DRC7: variants seen among roughly 807,000 people sequenced by gnomAD.
The protein encoded by DRC7 is dynein regulatory complex subunit 7.
A neutral mutation model predicts 104.4 loss-of-function variants in DRC7; 80 were observed. The ratio of observed to expected loss-of-function variants is 0.77; its 90% confidence interval spans 0.64 to 0.92. DRC7 has a LOEUF of 0.92. DRC7 is among the 40% of genes least tolerant of loss of function. DRC7 has a pLI of 0.00. For synonymous variants in DRC7, 405 were observed against 447.3 expected, an observed-to-expected ratio of 0.91 and a Z score of 1.19; for missense variants, 1,034 against 1,141.1, an observed-to-expected ratio of 0.91 and a Z score of 1.35.
chr16:57,728,673 G>A, intron 17 of DRC7, 89 bp downstream of exon 17: 2 of 1,060,710 alleles, frequency 1.9e-6, no homozygotes, highest in South Asian at 1.7e-5. Context: ...CTACCTCACA[G>A]GCTTGTGAGG....
At chr16:57,712,387 TG>T (rs1453954673) in intron 8 of DRC7, among the ~76,000 whole-genome samples, 6 of 152,250 alleles carry the variant, frequency 3.9e-5, no homozygotes, top group Non-Finnish European at 5.9e-5. Context: ...GTGTAATTTC[TG>T]GGTGTTGCCT....
intron 17 of DRC7, 59 bp downstream of exon 17, chr16:57,728,643 G>T: frequency 1.4e-6 from 2 of 1,405,092 alleles, no homozygotes; most frequent in South Asian, 1.4e-5. Context: ...CCAGGAAATG[G>T]GCCCACGGCT....
intron 5 of DRC7, chr16:57,701,562 G>A: frequency 5.7e-6 from 1 of 174,050 alleles, no homozygotes; most frequent in East Asian, 1.7e-4. Context: ...GAAAGGGCAA[G>A]GTCAACAGTG....
intron 9 of DRC7, among the ~76,000 whole-genome samples, chr16:57,719,718 G>C (rs1480949503): frequency 2.0e-5 from 3 of 152,000 alleles, no homozygotes; most frequent in African/African-American, 7.2e-5. Context: ...ATGTTACCTA[G>C]GCTGGTCTCG....
chr16:57,703,607 C>G (rs1293662788), intron 6 of DRC7, among the ~76,000 whole-genome samples: 1 of 152,190 alleles, frequency 6.6e-6, no homozygotes, highest in African/African-American at 2.4e-5. Flanking sequence ...GAGCCTTGCT[C>G]TCTCAGGCCC....
chr16:57,704,125 C>G (rs1459728174), intron 6 of DRC7, among the ~76,000 whole-genome samples: 1 of 152,094 alleles, frequency 6.6e-6, no homozygotes, highest in Non-Finnish European at 1.5e-5. Context: ...GTGCTTGTTG[C>G]TCCCCACGAT....
chr16:57,700,657 A>AC (rs386384802), intron 5 of DRC7, among the ~76,000 whole-genome samples: 1 of 35,498 alleles, frequency 2.8e-5, no homozygotes, highest in Non-Finnish European at 5.4e-5. Context: ...AAACTCTCTC[A>AC]AAAAAAAAAA....
rs1555576542 is a variant in DRC7, at chr16:57,731,220, G to A, written c.2587G>A (p.Asp863Asn). Residue 863 changes from aspartate (D) to asparagine (N), a missense_variant, in exon 19 of 19, where the codon GAC becomes AAC. Physicochemically the swap from Asp to Asn is conservative, Grantham distance 23 (BLOSUM62 1). Coordinates refer to ENST00000360716, the MANE Select transcript of DRC7 (RefSeq NM_001289162.2). Reference sequence around the variant, plus strand: ...GGCTCTGGAGGAAAAGCTCTACAAGGACCCACGCCTGGGGGAGCTCCAGAA... The same window carrying A: ...GGCTCTGGAGGAAAAGCTCTACAAGAACCCACGCCTGGGGGAGCTCCAGAA... Reference protein sequence around the residue: ...YLALEEKLYKDPRLGELQKIF... With the variant: ...YLALEEKLYKNPRLGELQKIF... The A allele has an allele frequency of 6.2e-7, 1 of 1,613,804 alleles. No individual in the cohort carries two copies. The highest frequency in any genetic ancestry group is 8.5e-7 in the Non-Finnish European group (1 of 1,179,982).
At chr16:57,722,886 C>G (rs577971428) in intron 11 of DRC7, 45 bp downstream of exon 11, 1 of 1,612,196 alleles carries the variant, frequency 6.2e-7, no homozygotes, top group South Asian at 1.1e-5. Flanking sequence ...AGCCCAGGGG[C>G]GGGGGCGGCT....
chr16:57,717,689 AC>A (rs2048859178), intron 8 of DRC7, among the ~76,000 whole-genome samples: 1 of 149,256 alleles, frequency 6.7e-6, no homozygotes, highest in African/African-American at 2.5e-5. Flanking sequence ...ACAGAGTGAG[AC>A]TCTGTCTCAA....
rs1394573172 is a variant in DRC7, at chr16:57,700,274, A to G, written c.504+4A>G. 1 of 1,612,118 alleles carries G rather than the reference A, an allele frequency of 6.2e-7. No homozygotes were observed. Among genetic ancestry groups the G allele is most frequent in the East Asian group, 2.2e-5 (1 of 44,806 alleles). ...CCTGCCTGACCCTCTCAAGCCGGTAAGCACCACTCACAGGCTGCATGCCTG... is the reference window on the plus strand; with the variant it reads ...CCTGCCTGACCCTCTCAAGCCGGTAGGCACCACTCACAGGCTGCATGCCTG... On this transcript the variant is annotated splice_donor_region_variant and intron_variant, in intron 5 of 18. Transcript: ENST00000360716.
intron 7 of DRC7, among the ~76,000 whole-genome samples, chr16:57,705,555 T>G (rs2048705395): frequency 8.4e-6 from 1 of 119,728 alleles, no homozygotes; most frequent in Non-Finnish European, 1.7e-5. Flanking sequence ...CATCCATCTG[T>G]CCTCCCACCC....
At position 57,721,797 on chromosome 16, in the gene DRC7, A is replaced by G. The variant is rs1251736425; in HGVS notation, c.1279+58A>G. 3 of 1,365,978 alleles carry G rather than the reference A, an allele frequency of 2.2e-6. No homozygotes were observed. In the African/African-American group the frequency reaches 4.3e-5, roughly 20 times the overall value. 84.6% of individuals were successfully genotyped at this position (1,365,978 alleles called of 1,614,324 possible). A position where few individuals can be genotyped will look rare whatever the true frequency, so the allele number is the denominator to read the frequency against. On this transcript the variant is annotated intron_variant, in intron 10 of 18. Coordinates refer to ENST00000360716, the MANE Select transcript of DRC7 (RefSeq NM_001289162.2). ...CCAGATCCAGTTCCTGGGCCTCCAG[A>G]GAGGTCTGCAACAGCGAGGCAGGGG...
In DRC7 at chr16:57,724,846, G is replaced by A. The variant is rs114106851; in HGVS notation, c.1758+11G>A. The A allele has an allele frequency of 2.3e-4, 368 of 1,604,604 alleles. 2 individuals are homozygous for A. The African/African-American group carries it at 4.2e-3, about 18-fold the overall frequency. ...CCCCGGCCCATTGTGGTAAGAGCTC[G>A]CGGGGGCTGGGGACAGGTCGCCCTC... is the stretch of plus-strand genomic sequence containing the variant. On this transcript the variant is annotated intron_variant, in intron 13 of 18. Coordinates refer to ENST00000360716, the MANE Select transcript of DRC7 (RefSeq NM_001289162.2).
chr16:57,705,519 TC>T (rs2048704408), intron 7 of DRC7, among the ~76,000 whole-genome samples: 1 of 143,512 alleles, frequency 7.0e-6, no homozygotes, highest in Non-Finnish European at 1.5e-5. Flanking sequence ...CTTCCATCCA[TC>T]CATCCTCCCA....
At position 57,731,607 on chromosome 16, in the gene DRC7, ATGGTCCCACAGC is replaced by A. The variant is rs1439723288; in HGVS notation, c.*350_*361del. 6.2e-6 allele frequency: 2 copies of A among 320,872 alleles called. No individual in the cohort carries two copies. Among genetic ancestry groups the A allele is most frequent in the Non-Finnish European group, 1.2e-5 (2 of 169,800 alleles). The allele number at this position is 320,872 out of a possible 1,614,324, so 19.9% of individuals were successfully genotyped here. On this transcript the variant is annotated 3_prime_UTR_variant, in exon 19 of 19. Transcript: ENST00000360716. ...TCAGGTCTTCACAGCACCTCTGCAG[ATGGTCCCACAGC>A]CATCTGCAAACAACTGGTTATATCT...
chr16:57,727,134 G>A (rs2148772633), intron 15 of DRC7, 165 bp from the exon 16 acceptor site: 1 of 666,874 alleles, frequency 1.5e-6, no homozygotes, highest in African/African-American at 1.8e-5. Context: ...CTAATTTCTT[G>A]TTTTTGTTTT....
rs2048934066 is a variant in DRC7, at chr16:57,723,829, A to AAT, written c.1537+700_1537+701insTA. Among the ~76,000 whole-genome samples the AAT allele has an allele frequency of 2.8e-4, 7 of 24,850 alleles. No homozygotes were observed. The South Asian group carries it at 2.8e-3, about 10-fold the overall frequency. 16.3% of individuals were successfully genotyped at this position (24,850 alleles called of 152,430 possible). On this transcript the variant is annotated intron_variant, in intron 12 of 18. Transcript: ENST00000360716. ...TCAACCTCATTTGGAAGTTGATAAT[A>AAT]AAAAAAAAGAAACTAATAAGGTCCC... is the stretch of plus-strand genomic sequence containing the variant.
intron 7 of DRC7, among the ~76,000 whole-genome samples, chr16:57,705,456 C>T (rs1038887621): frequency 6.9e-6 from 1 of 145,716 alleles, no homozygotes; most frequent in African/African-American, 2.6e-5. Context: ...GATCTCTCCT[C>T]CCATTCATCC....
Sources: allele counts gnomAD v4.1 joint callset (sites outside exome capture counted in the v4.1 genomes callset), GRCh38; gene constraint gnomAD v4.1.1; transcripts MANE v1.5; gene names NCBI Gene and HGNC (gene_info 2026-07-23, HGNC 2026-07-21).